The following ZNF804B variants were observed in gnomAD, a reference collection of about 807,000 sequenced individuals.
The protein encoded by ZNF804B is zinc finger protein 804B, also known as zinc finger 804B.
Under a neutral mutation model 101.4 loss-of-function variants are expected in ZNF804B, and 80 were observed. That is an observed-to-expected ratio of 0.79 (90% CI 0.66 to 0.95). The LOEUF (loss-of-function observed/expected upper bound fraction) is 0.95. Among genes scored for constraint, ZNF804B ranks in the 40% least tolerant of loss-of-function variants. The pLI is 0.00. For missense variants in ZNF804B, 1,673 were observed against 1,561.9 expected (o/e 1.07, Z -1.20); for synonymous variants, 622 against 558.8 (o/e 1.11, Z -1.59).
At chr7:89,025,242 T>G (rs1274794686) in intron 1 of ZNF804B, among the ~76,000 whole-genome samples, 1 of 152,146 alleles carries the variant, frequency 6.6e-6, no homozygotes, top group Non-Finnish European at 1.5e-5. Flanking sequence ...TGCTCTTATG[T>G]GGAATTTAAG....
chr7:88,781,184 A>T (rs996455313), intron 1 of ZNF804B, among the ~76,000 whole-genome samples: 13 of 152,188 alleles, frequency 8.5e-5, no homozygotes, highest in African/African-American at 3.1e-4. Context: ...TAATTTTCTG[A>T]TATTCACATT....
At position 89,158,365 on chromosome 7, in the gene ZNF804B, T is replaced by C. The variant is rs376705993; in HGVS notation, c.109-59790T>C. Among the ~76,000 whole-genome samples the C allele has an allele frequency of 3.9e-5, 6 of 152,278 alleles. No individual in the cohort carries two copies. In the East Asian group the frequency reaches 9.7e-4, roughly 25 times the overall value. The stretch of plus-strand genomic sequence containing the variant: ...AAATTCTCAGAGTGCTCTTTAGTCC[T>C]CTTCCTCCCTTAGCCCTCCACACCC... On this transcript the variant is annotated intron_variant, in intron 1 of 3. Transcript: ENST00000333190.
At chr7:89,010,769 G>A (rs1490583550) in intron 1 of ZNF804B, among the ~76,000 whole-genome samples, 1 of 152,070 alleles carries the variant, frequency 6.6e-6, no homozygotes, top group Non-Finnish European at 1.5e-5. Flanking sequence ...ACATTATTTT[G>A]TGTTTCAAAC....
At chr7:89,298,635 T>C (rs1312034227) in intron 2 of ZNF804B, among the ~76,000 whole-genome samples, 1 of 151,944 alleles carries the variant, frequency 6.6e-6, no homozygotes, top group South Asian at 2.1e-4. Flanking sequence ...ATGGCAAAAA[T>C]AACTTATTCC....
At chr7:89,222,710 T>C (rs557836721) in intron 2 of ZNF804B, among the ~76,000 whole-genome samples, 1 of 152,078 alleles carries the variant, frequency 6.6e-6, no homozygotes, top group South Asian at 2.1e-4. Flanking sequence ...CACATACTTC[T>C]GCATATTTAA....
intron 2 of ZNF804B, among the ~76,000 whole-genome samples, chr7:89,277,216 A>G (rs1043418783): frequency 2.7e-5 from 4 of 150,264 alleles, no homozygotes; most frequent in African/African-American, 9.8e-5. Context: ...CCTCAAATGC[A>G]GAGCTAATGC....
chr7:89,037,729 T>G (rs773262116), intron 1 of ZNF804B, among the ~76,000 whole-genome samples: 6 of 152,096 alleles, frequency 3.9e-5, no homozygotes, highest in African/African-American at 1.2e-4. Context: ...ATAGTCACCA[T>G]GCTATATATT....
intron 1 of ZNF804B, among the ~76,000 whole-genome samples, chr7:89,119,846 G>A (rs36065852): frequency 0.091 from 13,896 of 152,134 alleles, 1,329 homozygotes; most frequent in African/African-American, 0.25. Flanking sequence ...AAAAAAATAC[G>A]TGTTTTAAAT....
At chr7:89,111,444 CTTG>C (rs34934921) in intron 1 of ZNF804B, among the ~76,000 whole-genome samples, 97,199 of 151,688 alleles carry the variant, frequency 0.64, 32,056 homozygotes, top group African/African-American at 0.8. Flanking sequence ...GTAGTATTGC[CTTG>C]TTGTTTTAAT....
chr7:89,265,666 A>T (rs566529630), intron 2 of ZNF804B, among the ~76,000 whole-genome samples: 1 of 152,366 alleles, frequency 6.6e-6, no homozygotes, highest in Admixed American at 6.5e-5. Context: ...TCAAAATAAA[A>T]TGACGCAGTT....
At chr7:88,913,773 G>A (rs530581349) in intron 1 of ZNF804B, among the ~76,000 whole-genome samples, 111 of 152,254 alleles carry the variant, frequency 7.3e-4, no homozygotes, top group African/African-American at 2.0e-3. Flanking sequence ...GTGTATATGC[G>A]GATGAAATAA....
At chr7:89,072,340 A>G (rs1789555216) in intron 1 of ZNF804B, among the ~76,000 whole-genome samples, 1 of 152,180 alleles carries the variant, frequency 6.6e-6, no homozygotes. Flanking sequence ...ACTAGTTGAA[A>G]TTACTATGCC....
chr7:88,891,863 A>G (rs1384811153), intron 1 of ZNF804B, among the ~76,000 whole-genome samples: 1 of 152,036 alleles, frequency 6.6e-6, no homozygotes, highest in Non-Finnish European at 1.5e-5. Context: ...TACATTAGGT[A>G]TATGCTATCC....
At chr7:88,974,353 G>A (rs1023472711) in intron 1 of ZNF804B, among the ~76,000 whole-genome samples, 17 of 151,200 alleles carry the variant, frequency 1.1e-4, no homozygotes, top group African/African-American at 3.1e-4. Flanking sequence ...ATTATTGAAA[G>A]ATGTTAAGAA....
chr7:89,121,311 C>T (rs569751457), intron 1 of ZNF804B, among the ~76,000 whole-genome samples: 1 of 152,230 alleles, frequency 6.6e-6, no homozygotes, highest in African/African-American at 2.4e-5. Flanking sequence ...TAAATATATT[C>T]TATAAAGACT....
Position 89,183,284 on chromosome 7 carries a change from G to A in ZNF804B, c.109-34871G>A, listed in dbSNP as rs180921355. 2.4e-4 allele frequency among the ~76,000 whole-genome samples: 37 copies of A among 152,142 alleles called. No homozygotes were observed. The South Asian group carries it at 2.5e-3, about 10-fold the overall frequency. On this transcript the variant is annotated intron_variant, in intron 1 of 3. Coordinates refer to ENST00000333190, the MANE Select transcript of ZNF804B (RefSeq NM_181646.5). ...TGAGGAACAGACCAAAAAGTGTACC[G>A]AAGCCAGATCCTGGAGAAATTAAAC...
chr7:88,854,527 T>TTTCCTTCCCTTCCCTTCCCTTTCC (rs1791520224), intron 1 of ZNF804B, among the ~76,000 whole-genome samples: 5 of 40,076 alleles, frequency 1.2e-4, no homozygotes, highest in African/African-American at 4.2e-4. Flanking sequence ...CTTTCCTTCC[T>TTTCCTTCCCTTCCCTTCCCTTTCC]TTCCTTCCTT....
chr7:88,947,164 G>A (rs1049070251), intron 1 of ZNF804B, among the ~76,000 whole-genome samples: 1 of 151,740 alleles, frequency 6.6e-6, no homozygotes, highest in African/African-American at 2.4e-5. Flanking sequence ...CCCATTACTG[G>A]GTATATACCC....
rs184476764 is a variant in ZNF804B, at chr7:89,254,791, G to A, written c.249+36496G>A. 6.9e-3 allele frequency among the ~76,000 whole-genome samples: 1,046 copies of A among 151,492 alleles called. 9 individuals carry two copies. Among genetic ancestry groups the A allele is most frequent in the South Asian group, 0.012 (56 of 4,788 alleles). On this transcript the variant is annotated intron_variant, in intron 2 of 3. Coordinates refer to ENST00000333190, the MANE Select transcript of ZNF804B (RefSeq NM_181646.5). ...GTCCCCAGTAGCTGGGATTACAGGCGCCCGCCACCACACCCAACTAATTTT... is the reference window on the plus strand; with the variant it reads ...GTCCCCAGTAGCTGGGATTACAGGCACCCGCCACCACACCCAACTAATTTT...
Sources: allele counts gnomAD v4.1 joint callset (sites outside exome capture counted in the v4.1 genomes callset), GRCh38; gene constraint gnomAD v4.1.1; transcripts MANE v1.5; gene names NCBI Gene and HGNC (gene_info 2026-07-23, HGNC 2026-07-21).